The following DLGAP4 variants were observed in gnomAD, a reference collection of about 807,000 sequenced individuals.
DLGAP4 encodes disks large-associated protein 4.
Under a neutral mutation model 86.9 loss-of-function variants are expected in DLGAP4, and 18 were observed. That is an observed-to-expected ratio of 0.21 (90% CI 0.14 to 0.31). The LOEUF is 0.31. Ranked by LOEUF, DLGAP4 falls within the 10% of genes least tolerant of loss-of-function variation. DLGAP4 has a pLI of 1.00. For missense variants in DLGAP4, 1,085 were observed against 1,362.6 expected, an observed-to-expected ratio of 0.80 and a Z score of 3.21; for synonymous variants, 548 against 574.3, an observed-to-expected ratio of 0.95 and a Z score of 0.65.
At position 36,383,020 on chromosome 20, in the gene DLGAP4, G is replaced by A. The variant is rs1015072596; in HGVS notation, c.-73+15745G>A. 1.8e-4 allele frequency among the ~76,000 whole-genome samples: 28 copies of A among 152,270 alleles called. 1 individual carries two copies. Among genetic ancestry groups the A allele is most frequent in the Admixed American group, 1.6e-3 (24 of 15,304 alleles). ...AAGCCCTTTTTATGTGCCACACTTG[G>A]TGCTGGTCACACCATCTTAATGCAC... On this transcript the variant is annotated intron_variant, in intron 2 of 12. Transcript: ENST00000339266.
intron 3 of DLGAP4, among the ~76,000 whole-genome samples, chr20:36,434,411 C>T (rs1351322308): frequency 6.6e-6 from 1 of 152,206 alleles, no homozygotes; most frequent in Non-Finnish European, 1.5e-5. Flanking sequence ...TCTGAAACTG[C>T]TTCCTTGGTT....
chr20:36,332,103 A>G (rs999018922), intron 1 of DLGAP4, among the ~76,000 whole-genome samples: 1 of 152,108 alleles, frequency 6.6e-6, no homozygotes, highest in Non-Finnish European at 1.5e-5. Flanking sequence ...AGGTGATGTG[A>G]TCAGATTCAT....
At chr20:36,347,091 C>T (rs1343783286) in intron 1 of DLGAP4, among the ~76,000 whole-genome samples, 2 of 151,492 alleles carry the variant, frequency 1.3e-5, no homozygotes, top group African/African-American at 4.9e-5. Context: ...TGTCCCTGCC[C>T]TCAGAGTGCT....
chr20:36,517,786 T>A (rs992743345), intron 10 of DLGAP4, among the ~76,000 whole-genome samples: 1 of 152,194 alleles, frequency 6.6e-6, no homozygotes, highest in Non-Finnish European at 1.5e-5. Flanking sequence ...GGGTTTAATA[T>A]GTGATTTAAT....
chr20:36,523,764 A>G (rs887126226), intron 10 of DLGAP4, among the ~76,000 whole-genome samples: 3 of 152,104 alleles, frequency 2.0e-5, no homozygotes, highest in African/African-American at 7.2e-5. Context: ...GCTGGGTTCA[A>G]ATGATTCTCC....
chr20:36,446,217 C>T (rs1367414356), intron 6 of DLGAP4, among the ~76,000 whole-genome samples: 2 of 152,194 alleles, frequency 1.3e-5, no homozygotes, highest in African/African-American at 2.4e-5. Flanking sequence ...GGTTCTGCCA[C>T]TTCCTCACTG....
At chr20:36,356,229 A>G (rs2030321131) in intron 1 of DLGAP4, among the ~76,000 whole-genome samples, 1 of 152,244 alleles carries the variant, frequency 6.6e-6, no homozygotes, top group Non-Finnish European at 1.5e-5. Context: ...TACACCACAA[A>G]TCCAGACAGT....
At chr20:36,342,709 T>C (rs918545667) in intron 1 of DLGAP4, among the ~76,000 whole-genome samples, 21 of 152,176 alleles carry the variant, frequency 1.4e-4, no homozygotes, top group African/African-American at 4.8e-4. Flanking sequence ...TGCCGCATAG[T>C]CCTGGTGGGG....
chr20:36,435,195 A>T (rs939548558), intron 3 of DLGAP4, among the ~76,000 whole-genome samples: 2 of 151,930 alleles, frequency 1.3e-5, no homozygotes, highest in Non-Finnish European at 2.9e-5. Flanking sequence ...ACATTTTGAG[A>T]TATGTGTACA....
Position 36,525,547 on chromosome 20 carries a change from C to T in DLGAP4, c.2605-304C>T, listed in dbSNP as rs1018025365. 6.7e-6 allele frequency: 3 copies of T among 449,348 alleles called. No individual in the cohort carries two copies. In the East Asian group the frequency reaches 1.1e-4, roughly 17 times the overall value. 27.8% of individuals were successfully genotyped at this position (449,348 alleles called of 1,614,324 possible). A position where few individuals can be genotyped will look rare whatever the true frequency, so the allele number is the denominator to read the frequency against. ...CTCGGTGTCACTGTCACACCATGGCCAAGAACTTCTGTTTCTTCCCTGCAA... is the reference window on the plus strand; with the variant it reads ...CTCGGTGTCACTGTCACACCATGGCTAAGAACTTCTGTTTCTTCCCTGCAA... On this transcript the variant is annotated intron_variant, in intron 11 of 12. Coordinates refer to ENST00000339266, the MANE Select transcript of DLGAP4 (RefSeq NM_001365621.2).
chr20:36,525,123 C>T (rs1330548045), intron 11 of DLGAP4, among the ~76,000 whole-genome samples: 5 of 139,592 alleles, frequency 3.6e-5, no homozygotes, highest in Admixed American at 7.8e-5. Context: ...GAGGCTGAGG[C>T]AGGAGAATGG....
intron 7 of DLGAP4, among the ~76,000 whole-genome samples, chr20:36,459,569 G>C (rs2033967586): frequency 6.6e-6 from 1 of 152,024 alleles, no homozygotes; most frequent in African/African-American, 2.4e-5. Context: ...GTGGAGGCAG[G>C]GTCTCCCTAT....
intron 7 of DLGAP4, among the ~76,000 whole-genome samples, chr20:36,457,954 T>C (rs146007843): frequency 0.013 from 1,956 of 151,268 alleles, 48 homozygotes; most frequent in African/African-American, 0.045. Context: ...TTGAAGGAAG[T>C]GTGGGAATAA....
rs1401342802 is a variant in DLGAP4, at chr20:36,350,600, C to T, written c.-303-16445C>T. Among the ~76,000 whole-genome samples, 1 of 152,194 alleles carries T rather than the reference C, an allele frequency of 6.6e-6. No individual in the cohort carries two copies. The highest frequency in any genetic ancestry group is 1.5e-5 in the Non-Finnish European group (1 of 68,030). On this transcript the variant is annotated intron_variant, in intron 1 of 12. Transcript: ENST00000339266. This position sits in a 1 kb window ranked among gnomAD's most constrained non-coding sequence, Gnocchi z 4.4. ...TGATACAATGGCTGACAAGGGCATG[C>T]CCTCTGTACCAGGGCAGCAGGTGGG... is the stretch of plus-strand genomic sequence containing the variant.
intron 7 of DLGAP4, among the ~76,000 whole-genome samples, chr20:36,476,979 T>G (rs773888670): frequency 2.7e-5 from 4 of 148,070 alleles, no homozygotes; most frequent in Admixed American, 1.3e-4. Context: ...AGGCGTGAGC[T>G]ACCATGCCCA....
intron 1 of DLGAP4, among the ~76,000 whole-genome samples, chr20:36,309,083 A>G (rs533432612): frequency 6.6e-6 from 1 of 151,056 alleles, no homozygotes; most frequent in Non-Finnish European, 1.5e-5. Flanking sequence ...CAGGGTCTTC[A>G]CACATGCTGG....
chr20:36,364,794 G>A (rs996509363), intron 1 of DLGAP4, among the ~76,000 whole-genome samples: 1 of 152,088 alleles, frequency 6.6e-6, no homozygotes, highest in Non-Finnish European at 1.5e-5. Flanking sequence ...GGTGCTTCCC[G>A]ACCATTATAA....
intron 1 of DLGAP4, among the ~76,000 whole-genome samples, chr20:36,321,715 G>A (rs1376394271): frequency 1.3e-5 from 2 of 152,320 alleles, no homozygotes; most frequent in East Asian, 3.9e-4. Context: ...GCATGGGGAG[G>A]GAGCGAGGAG....
chr20:36,514,354 T>C (rs569328439), intron 10 of DLGAP4, among the ~76,000 whole-genome samples: 75 of 152,300 alleles, frequency 4.9e-4, no homozygotes, highest in African/African-American at 1.8e-3. Context: ...TGGATTTTCC[T>C]GTACAAGGAA....
Sources: allele counts gnomAD v4.1 joint callset (sites outside exome capture counted in the v4.1 genomes callset), GRCh38; gene constraint gnomAD v4.1.1; non-coding constraint Gnocchi (gnomAD v3.1); transcripts MANE v1.5; gene names NCBI Gene and HGNC (gene_info 2026-07-23, HGNC 2026-07-21).